GPC6: variants seen among roughly 807,000 people sequenced by gnomAD.
GPC6 encodes the protein glypican 6, also known as glypican-6.
GPC6 carries 14 observed loss-of-function variants against 55.2 expected under a neutral mutation model. That is an observed-to-expected ratio of 0.25 (90% CI 0.17 to 0.40). The LOEUF is 0.40. Among genes scored for constraint, GPC6 ranks in the 10% least tolerant of loss-of-function variants. The probability of loss-of-function intolerance (pLI) is 1.00; values close to 1 mark genes in which losing one functional copy is unlikely to be tolerated. For missense variants in GPC6, 641 were observed against 708.5 expected, an observed-to-expected ratio of 0.90 and a Z score of 1.08; for synonymous variants, 278 against 259.6, an observed-to-expected ratio of 1.07 and a Z score of -0.68.
chr13:93,322,764 G>T (rs1334212875), intron 1 of GPC6, among the ~76,000 whole-genome samples: 1 of 151,842 alleles, frequency 6.6e-6, no homozygotes, highest in African/African-American at 2.4e-5. Context: ...TGTTGTTCTT[G>T]TTGTTGTTGT....
chr13:93,879,086 A>G (rs977900283), intron 3 of GPC6, among the ~76,000 whole-genome samples: 19 of 152,042 alleles, frequency 1.2e-4, no homozygotes, highest in African/African-American at 4.6e-4. Flanking sequence ...CATTCATTTC[A>G]TCTTCCATTG....
At chr13:93,781,334 CA>C (rs1358475327) in intron 2 of GPC6, among the ~76,000 whole-genome samples, 1 of 150,608 alleles carries the variant, frequency 6.6e-6, no homozygotes, top group Non-Finnish European at 1.5e-5. Flanking sequence ...TCTTTACTAA[CA>C]AAAGTCTTTT....
At chr13:94,284,519 T>A (rs1222053856) in intron 4 of GPC6, among the ~76,000 whole-genome samples, 1 of 151,648 alleles carries the variant, frequency 6.6e-6, no homozygotes, top group Non-Finnish European at 1.5e-5. Context: ...TCTCTGGCCT[T>A]CTATCAGGTA....
At chr13:93,402,097 G>A (rs1332880315) in intron 1 of GPC6, among the ~76,000 whole-genome samples, 4 of 152,130 alleles carry the variant, frequency 2.6e-5, no homozygotes, top group African/African-American at 7.2e-5. Context: ...CAGGATGAGA[G>A]GCCAGGTGTT....
At chr13:93,570,823 T>C (rs1240209618) in intron 2 of GPC6, among the ~76,000 whole-genome samples, 7 of 152,146 alleles carry the variant, frequency 4.6e-5, no homozygotes, top group Non-Finnish European at 8.8e-5. Flanking sequence ...GAAACAATTC[T>C]TTCAAATGGA....
intron 2 of GPC6, among the ~76,000 whole-genome samples, chr13:93,734,582 G>T (rs533758054): frequency 6.6e-6 from 1 of 152,214 alleles, no homozygotes; most frequent in East Asian, 1.9e-4. Flanking sequence ...TCTAGGTTTA[G>T]ACATTTTTAC....
At chr13:94,176,086 G>A (rs944153741) in intron 4 of GPC6, among the ~76,000 whole-genome samples, 3 of 151,326 alleles carry the variant, frequency 2.0e-5, no homozygotes, top group Admixed American at 2.0e-4. Flanking sequence ...ATATATCCTG[G>A]AAATAAGCTC....
intron 3 of GPC6, among the ~76,000 whole-genome samples, chr13:93,926,920 A>C (rs866888987): frequency 6.6e-6 from 1 of 152,186 alleles, no homozygotes; most frequent in Non-Finnish European, 1.5e-5. Context: ...TAGTGAGCCC[A>C]TTGCTAATGA....
intron 3 of GPC6, among the ~76,000 whole-genome samples, chr13:93,901,460 G>A (rs185674802): frequency 1.3e-5 from 2 of 152,084 alleles, no homozygotes; most frequent in East Asian, 3.9e-4. Context: ...CAAAAACCTT[G>A]AAAAGACTCC....
intron 1 of GPC6, among the ~76,000 whole-genome samples, chr13:93,537,268 A>T (rs183003995): frequency 6.6e-4 from 100 of 152,344 alleles, no homozygotes; most frequent in African/African-American, 2.3e-3. Context: ...TTGCCATGAT[A>T]TGAGGAGGTT....
chr13:93,522,899 A>G (rs1881474671), intron 1 of GPC6, among the ~76,000 whole-genome samples: 2 of 151,912 alleles, frequency 1.3e-5, no homozygotes, highest in Admixed American at 1.3e-4. Context: ...GATTTTGTTT[A>G]GCATCTGAAG....
rs761320011 is a variant in GPC6, at chr13:94,398,528, T to A, written c.1352T>A (p.Val451Glu). 1 of 1,613,428 alleles carries A rather than the reference T, an allele frequency of 6.2e-7. No individual in the cohort carries two copies. The highest frequency in any genetic ancestry group is 1.7e-5 in the Admixed American group (1 of 60,020). ...CAGATCAACAATCCCGAGGTGGATG[T>A]GGACATCACTCGGCCTGACACTTTC... is the stretch of plus-strand genomic sequence containing the variant. Reference protein sequence around the residue: ...TNQINNPEVDVDITRPDTFIR... With the variant: ...TNQINNPEVDEDITRPDTFIR... The change falls in exon 8 of 9, where the codon GTG becomes GAG. Residue 451 changes from valine (V) to glutamate (E), a missense_variant. Coordinates refer to ENST00000377047, the MANE Select transcript of GPC6 (RefSeq NM_005708.5).
chr13:93,224,409 G>A (rs78725925), upstream of GPC6, among the ~76,000 whole-genome samples: 2 of 149,516 alleles, frequency 1.3e-5, no homozygotes, highest in African/African-American at 4.9e-5. Flanking sequence ...GGTCAAGCTC[G>A]TCTCAAACTC....
intron 5 of GPC6, among the ~76,000 whole-genome samples, chr13:94,303,388 G>T (rs2139108054): frequency 6.6e-6 from 1 of 152,300 alleles, no homozygotes; most frequent in South Asian, 2.1e-4. Context: ...CGTGTTTAAA[G>T]GTGGATCCGG....
rs148305750 is a variant in GPC6 at position 93,647,124 on chromosome 13, G to A, written c.319+101703G>A. Reference sequence around the variant, plus strand: ...AGGCTGAACTGTCTTTAAATACCATGTGTGAGAGCTTAAAATCTGGGTTAA... The same window carrying A: ...AGGCTGAACTGTCTTTAAATACCATATGTGAGAGCTTAAAATCTGGGTTAA... On this transcript the variant is annotated intron_variant, in intron 2 of 8. Coordinates refer to ENST00000377047, the MANE Select transcript of GPC6 (RefSeq NM_005708.5). 1.3e-3 allele frequency among the ~76,000 whole-genome samples: 192 copies of A among 152,202 alleles called. 1 individual carries two copies. The highest frequency in any genetic ancestry group is 4.4e-3 in the African/African-American group (183 of 41,558).
chr13:93,625,874 G>A (rs140646980), intron 2 of GPC6, among the ~76,000 whole-genome samples: 60 of 152,256 alleles, frequency 3.9e-4, no homozygotes, highest in African/African-American at 1.4e-3. Flanking sequence ...AGAACAGCCT[G>A]TATTTTTAGG....
chr13:94,213,273 C>T (rs976089419), intron 4 of GPC6, among the ~76,000 whole-genome samples: 9 of 152,160 alleles, frequency 5.9e-5, no homozygotes, highest in Non-Finnish European at 1.0e-4. Flanking sequence ...TAGAAAGATA[C>T]AGCATGACTA....
intron 1 of GPC6, among the ~76,000 whole-genome samples, chr13:93,250,220 G>A (rs1876737934): frequency 6.6e-6 from 1 of 152,162 alleles, no homozygotes; most frequent in African/African-American, 2.4e-5. Context: ...TGACAAGTAC[G>A]AAAGGCTGTA....
intron 1 of GPC6, among the ~76,000 whole-genome samples, chr13:93,504,423 A>G (rs971831640): frequency 2.6e-5 from 4 of 151,686 alleles, no homozygotes; most frequent in Non-Finnish European, 4.4e-5. Context: ...CCACTTCTGT[A>G]TGATTTACAG....
Sources: gnomAD v4.1 joint callset for allele counts (sites outside exome capture counted in the v4.1 genomes callset) on GRCh38, gnomAD v4.1.1 for gene constraint, MANE v1.5 for transcripts, NCBI Gene and HGNC (gene_info 2026-07-23, HGNC 2026-07-21) for gene names.